Variants in GPC5 observed in about 807,000 individuals in gnomAD.
The protein encoded by GPC5 is glypican 5, also known as glypican-5.
A neutral mutation model predicts 53.9 loss-of-function variants in GPC5; 47 were observed. The observed-to-expected ratio is 0.87, with a 90% CI of 0.69 to 1.11. The LOEUF (loss-of-function observed/expected upper bound fraction) is 1.11. Ranked by LOEUF, GPC5 falls within the 50% of genes most tolerant of loss-of-function variation. The pLI is 0.00. For synonymous variants in GPC5, 286 were observed against 263.3 expected, an observed-to-expected ratio of 1.09 and a Z score of -0.84; for missense variants, 748 against 713.1, an observed-to-expected ratio of 1.05 and a Z score of -0.56.
chr13:92,156,224 C>T (rs1047314082), intron 7 of GPC5, among the ~76,000 whole-genome samples: 8 of 151,970 alleles, frequency 5.3e-5, no homozygotes, highest in African/African-American at 9.7e-5. Context: ...AGCAGTTACT[C>T]TTGTATGTGG....
chr13:91,480,258 G>A lies in GPC5; in HGVS notation c.325+31336G>A, dbSNP rs1366607608. On this transcript the variant is annotated intron_variant, in intron 2 of 7. Transcript: ENST00000377067. ...CATTTATGGGACCACAGATAGCTCC[G>A]CTATGGACAGGGCATTTCTTCTAAA... Among the ~76,000 whole-genome samples, 2 of 152,156 alleles carry A rather than the reference G, an allele frequency of 1.3e-5. 1 individual carries two copies. The highest frequency in any genetic ancestry group is 2.9e-5 in the Non-Finnish European group (2 of 68,028).
intron 7 of GPC5, among the ~76,000 whole-genome samples, chr13:92,606,277 C>T (rs1884257309): frequency 2.0e-5 from 3 of 152,086 alleles, no homozygotes; most frequent in Admixed American, 2.0e-4. Flanking sequence ...GTGATGTTCC[C>T]CACCCTTTGT....
At chr13:92,243,359 T>A (rs902968199) in intron 7 of GPC5, among the ~76,000 whole-genome samples, 1 of 152,138 alleles carries the variant, frequency 6.6e-6, no homozygotes, top group Non-Finnish European at 1.5e-5. Flanking sequence ...ATAAGTAATT[T>A]GTAGAAAATT....
chr13:92,315,244 T>C (rs1488082175), intron 7 of GPC5, among the ~76,000 whole-genome samples: 1 of 152,180 alleles, frequency 6.6e-6, no homozygotes, highest in Non-Finnish European at 1.5e-5. Context: ...AGGAGCAAGA[T>C]CGTGGTTCCT....
At chr13:92,480,871 G>C (rs1021837219) in intron 7 of GPC5, among the ~76,000 whole-genome samples, 2 of 152,170 alleles carry the variant, frequency 1.3e-5, no homozygotes, top group African/African-American at 2.4e-5. Flanking sequence ...GATTTGGCGA[G>C]GGAGGTGTGA....
intron 7 of GPC5, among the ~76,000 whole-genome samples, chr13:92,801,189 G>A (rs534733408): frequency 6.6e-6 from 1 of 150,454 alleles, no homozygotes; most frequent in South Asian, 2.1e-4. Flanking sequence ...ATGTGTGCTT[G>A]TTTATATTTA....
intron 7 of GPC5, among the ~76,000 whole-genome samples, chr13:92,403,382 T>C (rs992001723): frequency 1.3e-5 from 2 of 152,182 alleles, no homozygotes; most frequent in African/African-American, 4.8e-5. Flanking sequence ...CCATGGCCTG[T>C]TAGGAACTGG....
intron 5 of GPC5, among the ~76,000 whole-genome samples, chr13:91,820,502 T>G (rs1223215823): frequency 6.6e-6 from 1 of 152,158 alleles, no homozygotes; most frequent in East Asian, 1.9e-4. Context: ...TACTCTGCAG[T>G]GCGAAGTATC....
At chr13:91,651,968 C>T (rs2034722138) in intron 2 of GPC5, among the ~76,000 whole-genome samples, 1 of 152,130 alleles carries the variant, frequency 6.6e-6, no homozygotes. Context: ...TTCCTTGCTC[C>T]TACTCTGGAG....
intron 6 of GPC5, among the ~76,000 whole-genome samples, chr13:92,066,102 G>A (rs1334294057): frequency 2.6e-5 from 4 of 151,980 alleles, no homozygotes; most frequent in African/African-American, 9.7e-5. Flanking sequence ...GTAAAAGGGA[G>A]GCAGAAGTTT....
intron 7 of GPC5, among the ~76,000 whole-genome samples, chr13:92,427,369 T>A (rs1876881947): frequency 6.7e-6 from 1 of 149,800 alleles, no homozygotes; most frequent in Admixed American, 6.8e-5. Flanking sequence ...ACTGATACGA[T>A]TCTTATTTTC....
At chr13:91,718,255 C>T (rs1328334755) in intron 3 of GPC5, among the ~76,000 whole-genome samples, 9 of 152,010 alleles carry the variant, frequency 5.9e-5, no homozygotes, top group Non-Finnish European at 1.3e-4. Context: ...GGACTACAGG[C>T]GTCTGCCACC....
intron 6 of GPC5, among the ~76,000 whole-genome samples, chr13:91,989,455 G>A (rs1008115088): frequency 7.9e-5 from 12 of 152,088 alleles, no homozygotes; most frequent in South Asian, 2.1e-4. Context: ...AAATAATCTC[G>A]TACTTACAAA....
intron 7 of GPC5, among the ~76,000 whole-genome samples, chr13:92,800,859 AAAT>A (rs1207812821): frequency 6.6e-6 from 1 of 151,764 alleles, no homozygotes. Context: ...TGCAACCCTA[AAAT>A]AATATCGTTA....
chr13:91,606,117 G>C (rs2033357329), intron 2 of GPC5, among the ~76,000 whole-genome samples: 2 of 134,716 alleles, frequency 1.5e-5, no homozygotes, highest in African/African-American at 2.9e-5. Flanking sequence ...TTATTATTTT[G>C]AAATACGTCC....
chr13:91,627,828 C>G (rs182283289), intron 2 of GPC5, among the ~76,000 whole-genome samples: 7 of 152,048 alleles, frequency 4.6e-5, no homozygotes, highest in African/African-American at 1.4e-4. Flanking sequence ...ACTGTAATAA[C>G]ATATTATGTT....
At chr13:91,728,721 C>A in intron 4 of GPC5, 56 bp downstream of exon 4, 3 of 1,527,638 alleles carry the variant, frequency 2.0e-6, no homozygotes, top group Non-Finnish European at 8.9e-7. Context: ...ATTAATTTTA[C>A]AACAGAATAG....
intron 7 of GPC5, among the ~76,000 whole-genome samples, chr13:92,281,515 AC>A (rs2042915520): frequency 1.3e-5 from 2 of 152,108 alleles, no homozygotes; most frequent in African/African-American, 4.8e-5. Flanking sequence ...GGAGACTGAC[AC>A]CTCACACGGC....
chr13:92,769,006 G>T (rs149933030), intron 7 of GPC5, among the ~76,000 whole-genome samples: 5 of 151,958 alleles, frequency 3.3e-5, no homozygotes, highest in Non-Finnish European at 5.9e-5. Context: ...AAATAAGTAC[G>T]AACATAAGCC....
Sources: allele counts gnomAD v4.1 joint callset (sites outside exome capture counted in the v4.1 genomes callset), GRCh38; gene constraint gnomAD v4.1.1; transcripts MANE v1.5; gene names NCBI Gene and HGNC (gene_info 2026-07-23, HGNC 2026-07-21).